Variants in SCML2 observed in about 807,000 individuals in gnomAD.
SCML2 encodes the protein sex comb on midleg-like protein 2.
Under a neutral mutation model 48.4 loss-of-function variants are expected in SCML2, and 6 were observed. The ratio of observed to expected loss-of-function variants is 0.12; its 90% CI spans 0.07 to 0.24. SCML2 has a LOEUF of 0.24. Among genes scored for constraint, SCML2 ranks in the 10% least tolerant of loss-of-function variants. The probability of loss-of-function intolerance (pLI) is 1.00; values close to 1 mark genes in which losing one functional copy is unlikely to be tolerated. For missense variants in SCML2, 377 were observed against 528.2 expected (o/e 0.71, Z 2.81); for synonymous variants, 181 against 189.5 (o/e 0.95, Z 0.37).
At chrX:18,290,284 CAA>C (rs1928189657) in intron 7 of SCML2, among the ~76,000 whole-genome samples, 1 of 111,775 alleles carries the variant, frequency 8.9e-6, no homozygotes, top group Non-Finnish European at 1.9e-5. Flanking sequence ...AAGGTTTTAT[CAA>C]AAAGAGTTAA....
chrX:18,339,299 A>G (rs16997224), intron 1 of SCML2, among the ~76,000 whole-genome samples: 29,709 of 111,754 alleles, frequency 0.27, 3,332 homozygotes, highest in African/African-American at 0.42. Context: ...CAGCATTATC[A>G]GAAAAGTTAT....
chrX:18,321,650 C>T (rs1175632396), intron 5 of SCML2, among the ~76,000 whole-genome samples: 1 of 107,156 alleles, frequency 9.3e-6, no homozygotes, highest in Non-Finnish European at 1.9e-5. Context: ...TTACATACTC[C>T]CTTATAATAA....
chrX:18,323,748 C>G, intron 5 of SCML2, 111 bp downstream of exon 5: 1 of 540,585 alleles, frequency 1.8e-6, no homozygotes, highest in Non-Finnish European at 3.2e-6. Context: ...ACCACCTGAC[C>G]ATCTATTTGC....
At chrX:18,279,449 T>C (rs1045663466) in intron 7 of SCML2, among the ~76,000 whole-genome samples, 3 of 112,024 alleles carry the variant, frequency 2.7e-5, no homozygotes, top group African/African-American at 9.7e-5. Context: ...CACAAGAACT[T>C]TGGCAATTCA....
chrX:18,333,074 G>A (rs1364533391), intron 2 of SCML2, among the ~76,000 whole-genome samples: 2 of 110,232 alleles, frequency 1.8e-5, no homozygotes, highest in African/African-American at 6.6e-5. Flanking sequence ...TCAGGAGTTC[G>A]AAAGCAGCCT....
intron 7 of SCML2, among the ~76,000 whole-genome samples, chrX:18,269,634 T>C (rs1210683698): frequency 8.1e-5 from 9 of 111,658 alleles, no homozygotes; most frequent in South Asian, 3.8e-4. Flanking sequence ...TCTAAATATA[T>C]AGAATGAAGA....
chrX:18,339,394 T>C (rs779862556), intron 1 of SCML2, among the ~76,000 whole-genome samples: 3 of 111,958 alleles, frequency 2.7e-5, no homozygotes, highest in Non-Finnish European at 3.8e-5. Flanking sequence ...TATTATTTCC[T>C]TTAAGGTAGG....
chrX:18,322,856 T>C (rs1026901092), intron 5 of SCML2, among the ~76,000 whole-genome samples: 1 of 111,039 alleles, frequency 9.0e-6, no homozygotes, highest in Non-Finnish European at 1.9e-5. Flanking sequence ...ATCACACCAC[T>C]GCACTCCAGC....
chrX:18,353,792 A>G (rs952575948), intron 1 of SCML2, among the ~76,000 whole-genome samples: 5 of 113,038 alleles, frequency 4.4e-5, no homozygotes, highest in African/African-American at 1.6e-4. Flanking sequence ...AAATCGAGCA[A>G]ATTCGCCTAG....
chrX:18,254,079 A>C (rs1050091290), intron 11 of SCML2, among the ~76,000 whole-genome samples: 7 of 111,990 alleles, frequency 6.3e-5, no homozygotes, highest in Non-Finnish European at 1.3e-4. Context: ...CTACTTTTCC[A>C]ACCAGTGACT....
intron 7 of SCML2, among the ~76,000 whole-genome samples, chrX:18,285,774 A>G (rs1352167798): frequency 1.8e-5 from 2 of 111,948 alleles, no homozygotes; most frequent in East Asian, 5.6e-4. Context: ...TACCTTTAAG[A>G]AAAACTATTG....
intron 7 of SCML2, among the ~76,000 whole-genome samples, chrX:18,286,864 CTTTAAT>C (rs1350722928): frequency 1.8e-5 from 2 of 111,674 alleles, no homozygotes; most frequent in Non-Finnish European, 3.8e-5. Context: ...AAAACACAGT[CTTTAAT>C]TTTCAGTGGT....
At chrX:18,354,394 C>T (rs1930474360) in intron 1 of SCML2, among the ~76,000 whole-genome samples, 198 bp downstream of exon 1, 1 of 111,799 alleles carries the variant, frequency 8.9e-6, no homozygotes, top group African/African-American at 3.2e-5. Flanking sequence ...GGCTGAAGGG[C>T]GTCCGCGGAA....
At chrX:18,354,816 C>G, upstream of SCML2, 1 of 137,140 alleles carries the variant, frequency 7.3e-6, no homozygotes. Context: ...GAGCCGGGGT[C>G]AAGCCGAGCG....
rs1929143444 is a variant in SCML2, at chrX:18,317,016, C to T, written c.486+3316G>A. Among the ~76,000 whole-genome samples the T allele has an allele frequency of 3.6e-5, 4 of 112,183 alleles. No homozygotes were observed. In the Admixed American group the frequency reaches 3.8e-4, roughly 11 times the overall value. On this transcript the variant is annotated intron_variant, in intron 6 of 14. Transcript: ENST00000251900. ...GGTTGGGGACTGCTGCCTTAGAATACCCTTTGGGGATGCAATTTCACAGTA... is the reference window on the plus strand; with the variant it reads ...GGTTGGGGACTGCTGCCTTAGAATATCCTTTGGGGATGCAATTTCACAGTA...
rs1488189813 is a variant in SCML2, at chrX:18,241,311, C to A, written c.2043G>T (p.Leu681=). 16 of 1,200,388 alleles carry A rather than the reference C, an allele frequency of 1.3e-5. No individual in the cohort carries two copies. Among genetic ancestry groups the A allele is most frequent in the Non-Finnish European group, 1.8e-5 (16 of 887,938 alleles). The stretch of plus-strand genomic sequence containing the variant: ...AGTAACACAGCTTTAATGCTGGCCC[C>A]AGCTTCAGCCCCATATACTTCATCA... ...DVMMKYMGLK[L]GPALKLCYYI... is the part of the protein sequence containing the mutation. The change falls in exon 15 of 15, where the codon CTG becomes CTT. Residue 681 remains leucine, a synonymous_variant. Coordinates refer to ENST00000251900, the MANE Select transcript of SCML2 (RefSeq NM_006089.3).
chrX:18,290,882 T>G (rs1192135719), intron 7 of SCML2, among the ~76,000 whole-genome samples: 1 of 111,222 alleles, frequency 9.0e-6, no homozygotes, highest in Non-Finnish European at 1.9e-5. Flanking sequence ...TTTCATGTAT[T>G]AAATATTTGG....
At chrX:18,283,795 T>C (rs1378539272) in intron 7 of SCML2, among the ~76,000 whole-genome samples, 9 of 111,768 alleles carry the variant, frequency 8.1e-5, no homozygotes, top group African/African-American at 2.9e-4. Context: ...ATCACACAAA[T>C]AGATGGAAAA....
chrX:18,298,799 G>A lies in SCML2; in HGVS notation c.730+6173C>T, dbSNP rs773205903. Among the ~76,000 whole-genome samples the A allele has an allele frequency of 2.8e-5, 3 of 108,571 alleles. No individual in the cohort carries two copies. The East Asian group carries it at 8.8e-4, about 32-fold the overall frequency. 94.3% of individuals were successfully genotyped at this position (108,571 alleles called of 115,157 possible). A position where few individuals can be genotyped will look rare whatever the true frequency, so the allele number is the denominator to read the frequency against. ...GATTGCACTGCACTCCAGCCTAGGTGACAGAGTGAGACTGTGTCTCACAAA... is the reference window on the plus strand; with the variant it reads ...GATTGCACTGCACTCCAGCCTAGGTAACAGAGTGAGACTGTGTCTCACAAA... On this transcript the variant is annotated intron_variant, in intron 7 of 14. Transcript: ENST00000251900.
Sources: allele counts gnomAD v4.1 joint callset (sites outside exome capture counted in the v4.1 genomes callset), GRCh38; gene constraint gnomAD v4.1.1; transcripts MANE v1.5; gene names NCBI Gene and HGNC (gene_info 2026-07-23, HGNC 2026-07-21).